Variants in NAALADL2 observed in about 807,000 individuals in gnomAD.
NAALADL2 encodes the protein N-acetylated alpha-linked acidic dipeptidase like 2, also known as inactive N-acetylated-alpha-linked acidic dipeptidase-like protein 2.
NAALADL2 carries 76 observed loss-of-function variants against 87.2 expected under a neutral mutation model. The observed-to-expected ratio is 0.87, with a 90% CI of 0.72 to 1.05. The LOEUF is 1.05. Among genes scored for constraint, NAALADL2 ranks in the 50% least tolerant of loss-of-function variants. The pLI, the probability that NAALADL2 is intolerant of heterozygous loss-of-function variation, is 0.00. For synonymous variants in NAALADL2, 354 were observed against 331.0 expected, an observed-to-expected ratio of 1.07 and a Z score of -0.75; for missense variants, 1,089 against 945.8, an observed-to-expected ratio of 1.15 and a Z score of -1.99.
intron 1 of NAALADL2, among the ~76,000 whole-genome samples, chr3:174,958,126 T>C (rs11709653): frequency 0.43 from 61,695 of 142,088 alleles, 14,709 homozygotes; most frequent in Non-Finnish European, 0.56. Flanking sequence ...CATTGAACAA[T>C]ATCCAGACTT....
intron 1 of NAALADL2, among the ~76,000 whole-genome samples, chr3:175,021,288 T>G (rs1751523783): frequency 6.6e-6 from 1 of 152,084 alleles, no homozygotes; most frequent in Non-Finnish European, 1.5e-5. Context: ...GGACCATGCC[T>G]TTTCTGTTAG....
chr3:175,375,786 C>T (rs1368847722), intron 5 of NAALADL2, among the ~76,000 whole-genome samples: 3 of 151,854 alleles, frequency 2.0e-5, no homozygotes, highest in African/African-American at 4.8e-5. Context: ...TCACATTTAC[C>T]GTATTCCTAT....
intron 4 of NAALADL2, among the ~76,000 whole-genome samples, chr3:175,294,427 C>A (rs1756052761): frequency 6.6e-6 from 1 of 151,894 alleles, no homozygotes; most frequent in Non-Finnish European, 1.5e-5. Context: ...TATAATAAAG[C>A]TTTTCTGGTA....
chr3:175,605,512 A>G (rs1723572903), intron 10 of NAALADL2, among the ~76,000 whole-genome samples: 1 of 152,138 alleles, frequency 6.6e-6, no homozygotes, highest in South Asian at 2.1e-4. Context: ...AAGATAATTT[A>G]AATTTGGAGG....
chr3:174,826,290 T>C (rs1358987469), intron 3 of NAALADL2, among the ~76,000 whole-genome samples: 2 of 152,212 alleles, frequency 1.3e-5, no homozygotes, highest in Non-Finnish European at 2.9e-5. Flanking sequence ...GCAGTAGAGA[T>C]AAATGGTTAA....
At chr3:175,076,056 C>T (rs186305979) in intron 1 of NAALADL2, among the ~76,000 whole-genome samples, 82 of 152,000 alleles carry the variant, frequency 5.4e-4, no homozygotes, top group Non-Finnish European at 9.0e-4. Context: ...GGCAAAATTC[C>T]GTCTCTACTA....
chr3:175,595,254 G>T (rs1397509688), intron 10 of NAALADL2, among the ~76,000 whole-genome samples: 4 of 151,890 alleles, frequency 2.6e-5, no homozygotes, highest in Admixed American at 2.6e-4. Context: ...TGAATAAGGG[G>T]TCCTTTCTCC....
intron 1 of NAALADL2, among the ~76,000 whole-genome samples, chr3:175,085,493 C>T (rs1028432244): frequency 2.0e-5 from 3 of 151,998 alleles, no homozygotes; most frequent in African/African-American, 7.3e-5. Context: ...ATTATGGGGG[C>T]TCTCAAGTGT....
chr3:174,885,177 A>G (rs1439179312), intron 1 of NAALADL2, among the ~76,000 whole-genome samples: 2 of 152,086 alleles, frequency 1.3e-5, no homozygotes, highest in South Asian at 2.1e-4. Flanking sequence ...TTCTTTCCCA[A>G]TCAATGCCCT....
At chr3:175,312,203 T>G (rs1161398723) in intron 4 of NAALADL2, among the ~76,000 whole-genome samples, 1 of 152,166 alleles carries the variant, frequency 6.6e-6, no homozygotes, top group African/African-American at 2.4e-5. Flanking sequence ...TATTTGAGCT[T>G]CGGAAGTAAA....
intron 5 of NAALADL2, among the ~76,000 whole-genome samples, chr3:175,358,919 G>T (rs1451637092): frequency 6.6e-6 from 1 of 152,088 alleles, no homozygotes; most frequent in Non-Finnish European, 1.5e-5. Flanking sequence ...TAGCCCCACA[G>T]CTGTCAAGTG....
intron 3 of NAALADL2, among the ~76,000 whole-genome samples, chr3:174,790,660 AAT>A (rs1157255903): frequency 2.0e-5 from 3 of 152,188 alleles, no homozygotes; most frequent in East Asian, 3.9e-4. Context: ...AAAAAAAAAA[AAT>A]GTGCGTAAGT....
At chr3:174,917,386 C>A (rs531277151) in intron 1 of NAALADL2, among the ~76,000 whole-genome samples, 1 of 152,034 alleles carries the variant, frequency 6.6e-6, no homozygotes, top group Admixed American at 6.6e-5. Flanking sequence ...TGCTTGGTCA[C>A]GACTTTAATT....
chr3:175,237,132 A>C lies in NAALADL2; in HGVS notation c.819+2928A>C, dbSNP rs537824607. Among the ~76,000 whole-genome samples, 10 of 152,234 alleles carry C rather than the reference A, an allele frequency of 6.6e-5. 1 individual carries two copies. The South Asian group carries it at 2.1e-3, about 32-fold the overall frequency. The stretch of plus-strand genomic sequence containing the variant: ...TGTAGAGAGGTTTAATATTTTAAGA[A>C]ATAAGTTAAAAATGTGAATTTGCAA... On this transcript the variant is annotated intron_variant, in intron 3 of 13. Coordinates refer to ENST00000454872, the MANE Select transcript of NAALADL2 (RefSeq NM_207015.3).
chr3:174,913,044 T>G (rs1733907539), intron 1 of NAALADL2, among the ~76,000 whole-genome samples: 1 of 152,164 alleles, frequency 6.6e-6, no homozygotes, highest in Admixed American at 6.5e-5. Context: ...CAAGTGACAG[T>G]ACCTCAAAAT....
At chr3:175,080,555 C>T (rs890697136) in intron 1 of NAALADL2, among the ~76,000 whole-genome samples, 4 of 152,190 alleles carry the variant, frequency 2.6e-5, no homozygotes, top group African/African-American at 9.7e-5. Flanking sequence ...AGCAGAATTG[C>T]AGCTGCTTGG....
chr3:175,336,540 G>T (rs1412997187), intron 5 of NAALADL2, among the ~76,000 whole-genome samples: 3 of 152,176 alleles, frequency 2.0e-5, no homozygotes, highest in Non-Finnish European at 4.4e-5. Flanking sequence ...AATACAGAAA[G>T]TAGGAAAGGG....
chr3:175,318,393 C>CT lies in NAALADL2; in HGVS notation c.940-5777dup, dbSNP rs201689632. 7.4e-3 allele frequency among the ~76,000 whole-genome samples: 1,131 copies of CT among 151,950 alleles called. 13 individuals carry two copies. The highest frequency in any genetic ancestry group is 0.026 in the African/African-American group (1,087 of 41,482). ...GAACTTTTTTTTCCTTTGCCTACAC[C>CT]TTTTTCTCTGTGATGATCATGAATT... is the stretch of plus-strand genomic sequence containing the variant. On this transcript the variant is annotated intron_variant, in intron 4 of 13. Transcript: ENST00000454872.
chr3:174,455,990 C>G (rs1043516807), intron 1 of NAALADL2, among the ~76,000 whole-genome samples: 3 of 152,132 alleles, frequency 2.0e-5, no homozygotes, highest in Non-Finnish European at 2.9e-5. Context: ...GCTCCTTAAG[C>G]TGATAAACAA....
Sources: allele counts gnomAD v4.1 joint callset (sites outside exome capture counted in the v4.1 genomes callset), GRCh38; gene constraint gnomAD v4.1.1; transcripts MANE v1.5; gene names NCBI Gene and HGNC (gene_info 2026-07-23, HGNC 2026-07-21).